BSN: variants seen among roughly 807,000 people sequenced by gnomAD.
BSN encodes the protein protein bassoon.
A neutral mutation model predicts 264.8 loss-of-function variants in BSN; 57 were observed. The observed-to-expected ratio is 0.22, with a 90% CI of 0.17 to 0.27. The LOEUF is 0.27. BSN is among the 10% of genes least tolerant of loss of function. The probability of loss-of-function intolerance (pLI) is 1.00; values close to 1 mark genes in which losing one functional copy is unlikely to be tolerated. For missense variants in BSN, 4,615 were observed against 5,232.5 expected, an observed-to-expected ratio of 0.88 and a Z score of 3.64; for synonymous variants, 2,059 against 2,137.3, an observed-to-expected ratio of 0.96 and a Z score of 1.01.
rs1250235966 is a variant in BSN at position 49,592,528 on chromosome 3, C to T, written c.225-32447C>T. 3.3e-5 allele frequency among the ~76,000 whole-genome samples: 5 copies of T among 149,854 alleles called. No individual in the cohort carries two copies. The East Asian group carries it at 5.9e-4, about 18-fold the overall frequency. On this transcript the variant is annotated intron_variant, in intron 1 of 11. Coordinates refer to ENST00000296452, the MANE Select transcript of BSN (RefSeq NM_003458.4). ...CAGCACTTTGGGAGGCTGAGGCGGG[C>T]GGATCACGAGGTCAGGAGATGGAGA...
At position 49,651,037 on chromosome 3, in the gene BSN, C is replaced by T. The variant is rs758289689; in HGVS notation, c.1944C>T (p.Val648=). 9.3e-6 allele frequency: 15 copies of T among 1,613,322 alleles called. No homozygotes were observed. In the South Asian group the frequency reaches 1.3e-4, roughly 14 times the overall value. The change falls in exon 4 of 12, where the codon GTC becomes GTT. Residue 648 remains valine, a synonymous_variant. Coordinates refer to ENST00000296452, the MANE Select transcript of BSN (RefSeq NM_003458.4). This position sits in a 1 kb window ranked among gnomAD's most constrained non-coding sequence, Gnocchi z 5.4. ...GVRRAEPATP[V]VKAVPEAPKG... is the part of the protein sequence containing the mutation. ...GGAGGGCTGAACCTGCCACCCCTGT[C>T]GTCAAGGCTGTTCCAGAAGCCCCCA...
At chr3:49,607,542 C>G (rs1328835456) in intron 1 of BSN, among the ~76,000 whole-genome samples, 1 of 152,176 alleles carries the variant, frequency 6.6e-6, no homozygotes, top group Non-Finnish European at 1.5e-5. Context: ...CACATGCACA[C>G]AGTGCATGTG....
intron 1 of BSN, among the ~76,000 whole-genome samples, chr3:49,605,468 TA>T: frequency 7.0e-5 from 1 of 14,318 alleles, no homozygotes; most frequent in Non-Finnish European, 1.1e-4. Context: ...ATATTATATA[TA>T]ATATATATTA....
chr3:49,663,119 C>T lies in BSN; in HGVS notation c.10961C>T (p.Ser3654Leu). The T allele has an allele frequency of 1.2e-6, 2 of 1,611,490 alleles. No individual in the cohort carries two copies. The highest frequency in any genetic ancestry group is 8.5e-7 in the Non-Finnish European group (1 of 1,179,478). Residue 3654 changes from serine (S) to leucine (L), a missense_variant, in exon 7 of 12, where the codon TCA becomes TTA. Ser to Leu is a moderately radical substitution (Grantham distance 145). Coordinates refer to ENST00000296452, the MANE Select transcript of BSN (RefSeq NM_003458.4). ...EHRHGDHGRH[S>L]GRHTGEEPGR... ...CGGCACGGTGACCACGGGCGGCACT[C>T]AGGCCGCCACACTGGTGAGGAGCCG... is the stretch of plus-strand genomic sequence containing the variant.
chr3:49,554,723 G>C lies in BSN; in HGVS notation c.121G>C (p.Ala41Pro), dbSNP rs2051650581. The C allele has an allele frequency of 8.2e-7, 1 of 1,217,488 alleles. No homozygotes were observed. The highest frequency in any genetic ancestry group is 1.0e-6 in the Non-Finnish European group (1 of 974,992). 75.4% of individuals were successfully genotyped at this position (1,217,488 alleles called of 1,614,324 possible). The change falls in exon 1 of 12, where the codon GCC becomes CCC. Residue 41 changes from alanine to proline, a missense_variant. By Grantham distance (27) the Ala-to-Pro change is conservative. Coordinates refer to ENST00000296452, the MANE Select transcript of BSN (RefSeq NM_003458.4). ...PGAGKPPSAPAGGGQLPAAGA... is the reference protein window; with the variant it reads ...PGAGKPPSAPPGGGQLPAAGA... ...CGCAGGAAAGCCGCCTTCAGCACCG[G>C]CCGGTGGCGGACAGCTCCCCGCGGC...
intron 1 of BSN, among the ~76,000 whole-genome samples, 173 bp downstream of exon 1, chr3:49,554,999 G>C (rs1016809117): frequency 1.3e-5 from 2 of 152,212 alleles, no homozygotes; most frequent in South Asian, 4.1e-4. Flanking sequence ...TTCCTTTCCA[G>C]CTGCCCCGCC....
At chr3:49,639,113 A>C (rs2052441223) in intron 2 of BSN, among the ~76,000 whole-genome samples, 1 of 152,020 alleles carries the variant, frequency 6.6e-6, no homozygotes. Context: ...AGGTCTTTAG[A>C]CTGGGTTCAG....
chr3:49,583,563 T>G (rs1282330528), intron 1 of BSN, among the ~76,000 whole-genome samples: 2 of 152,096 alleles, frequency 1.3e-5, no homozygotes, highest in Non-Finnish European at 2.9e-5. Flanking sequence ...TGAGCTATGA[T>G]TGTGTCACTG....
chr3:49,608,480 C>T (rs1249397370), intron 1 of BSN, among the ~76,000 whole-genome samples: 1 of 152,180 alleles, frequency 6.6e-6, no homozygotes, highest in Non-Finnish European at 1.5e-5. Context: ...GTCTCAGTTA[C>T]TGTCTTGAGA....
At chr3:49,575,407 T>C (rs2051836023) in intron 1 of BSN, among the ~76,000 whole-genome samples, 1 of 148,176 alleles carries the variant, frequency 6.7e-6, no homozygotes, top group African/African-American at 2.5e-5. Flanking sequence ...TGTATATATA[T>C]GTAAATATAT....
chr3:49,657,945 C>T lies in BSN; in HGVS notation c.8389C>T (p.Pro2797Ser), dbSNP rs1445508630. The T allele has an allele frequency of 6.2e-7, 1 of 1,612,946 alleles. No individual in the cohort carries two copies. Reference sequence around the variant, plus strand: ...CAAGTCCCCTCAGGTCCTCTACTCACCAGTCTCACCCCTGTCCCCTCACCG... The same window carrying T: ...CAAGTCCCCTCAGGTCCTCTACTCATCAGTCTCACCCCTGTCCCCTCACCG... Reference protein sequence around the residue: ...PPKSPQVLYSPVSPLSPHRLL... With the variant: ...PPKSPQVLYSSVSPLSPHRLL... The change falls in exon 5 of 12, where the codon CCA becomes TCA. Residue 2797 changes from proline (P) to serine (S), a missense_variant. This residue lies in a region of BSN where 3,415 missense variants were observed against 3,866.4 expected (regional missense o/e 0.88). Transcript: ENST00000296452.
At chr3:49,596,641 G>A (rs963849858) in intron 1 of BSN, among the ~76,000 whole-genome samples, 1 of 152,044 alleles carries the variant, frequency 6.6e-6, no homozygotes, top group Non-Finnish European at 1.5e-5. Flanking sequence ...CAGGCATGAG[G>A]CACCATGCCT....
intron 1 of BSN, among the ~76,000 whole-genome samples, chr3:49,591,727 T>C (rs933064655): frequency 1.3e-5 from 2 of 152,092 alleles, no homozygotes; most frequent in African/African-American, 4.8e-5. Context: ...TAGCTGGGAC[T>C]ACAGATGTGT....
At chr3:49,564,727 C>A (rs2051739800) in intron 1 of BSN, among the ~76,000 whole-genome samples, 1 of 152,076 alleles carries the variant, frequency 6.6e-6, no homozygotes. Context: ...GAGGAATGCC[C>A]CTTGTCCTTC....
At chr3:49,583,093 A>T (rs1487891656) in intron 1 of BSN, among the ~76,000 whole-genome samples, 2 of 151,816 alleles carry the variant, frequency 1.3e-5, no homozygotes, top group Non-Finnish European at 2.9e-5. Flanking sequence ...TTCAGCCTCC[A>T]GAGTAGCTGG....
intron 1 of BSN, among the ~76,000 whole-genome samples, chr3:49,563,019 G>A (rs1460264849): frequency 1.3e-5 from 2 of 152,188 alleles, no homozygotes; most frequent in African/African-American, 4.8e-5. Flanking sequence ...GTGTAAAAAG[G>A]AAGGGTGATG....
At chr3:49,641,831 G>C (rs2052466936) in intron 2 of BSN, 2 of 162,412 alleles carry the variant, frequency 1.2e-5, no homozygotes, top group Admixed American at 1.3e-4. Flanking sequence ...CTGCTCTAGG[G>C]CCATGCCTTT....
chr3:49,632,994 G>T (rs1432645936), intron 2 of BSN, among the ~76,000 whole-genome samples: 1 of 152,066 alleles, frequency 6.6e-6, no homozygotes, highest in Non-Finnish European at 1.5e-5. Flanking sequence ...TATACAAATG[G>T]CTAATAACTC....
At chr3:49,593,803 T>G (rs1158758668) in intron 1 of BSN, among the ~76,000 whole-genome samples, 2 of 149,116 alleles carry the variant, frequency 1.3e-5, no homozygotes, top group African/African-American at 4.9e-5. Flanking sequence ...GTTTTGTTTT[T>G]TGTTTTTTTT....
Sources: allele counts gnomAD v4.1 joint callset (sites outside exome capture counted in the v4.1 genomes callset), GRCh38; gene constraint gnomAD v4.1.1; regional missense constraint gnomAD v4.1.1; non-coding constraint Gnocchi (gnomAD v3.1); transcripts MANE v1.5; gene names NCBI Gene and HGNC (gene_info 2026-07-23, HGNC 2026-07-21).